Variants in CD8B observed in about 807,000 individuals in gnomAD.
The protein encoded by CD8B is CD8 subunit beta, also known as T-cell surface glycoprotein CD8 beta chain.
Under a neutral mutation model 24.2 loss-of-function variants are expected in CD8B, and 6 were observed. That is an observed-to-expected ratio of 0.25 (90% confidence interval 0.14 to 0.49). The LOEUF (loss-of-function observed/expected upper bound fraction) is 0.49. CD8B is among the 20% of genes least tolerant of loss of function. CD8B has a pLI of 0.98. For missense variants in CD8B, 196 were observed against 271.3 expected (o/e 0.72, Z 1.95); for synonymous variants, 84 against 108.3 (o/e 0.78, Z 1.39).
intron 5 of CD8B, among the ~76,000 whole-genome samples, chr2:86,829,095 C>CTTTTT (rs746569858): frequency 8.4e-4 from 70 of 82,978 alleles, no homozygotes; most frequent in Non-Finnish European, 9.4e-4. Context: ...ATGCTCTTTA[C>CTTTTT]TTTTTTTTTT....
chr2:86,861,544 C>G (rs1676591448), intron 1 of CD8B, among the ~76,000 whole-genome samples: 1 of 152,216 alleles, frequency 6.6e-6, no homozygotes, highest in Non-Finnish European at 1.5e-5. Context: ...TTCCCTCACT[C>G]GCTCCCCTTT....
chr2:86,861,179 G>T (rs542372270), intron 1 of CD8B, among the ~76,000 whole-genome samples: 2 of 152,076 alleles, frequency 1.3e-5, no homozygotes, highest in African/African-American at 4.8e-5. Flanking sequence ...GTGTGTGGAG[G>T]CTTCTTCCAA....
chr2:86,835,817 G>C (rs1473924344), downstream of CD8B, among the ~76,000 whole-genome samples: 1 of 147,872 alleles, frequency 6.8e-6, no homozygotes, highest in Non-Finnish European at 1.5e-5. Context: ...GCTTGTGTTG[G>C]TATCACCCGG....
intron 2 of CD8B, among the ~76,000 whole-genome samples, chr2:86,853,717 A>ATTTT (rs1425132053): frequency 6.6e-6 from 1 of 151,788 alleles, no homozygotes; most frequent in African/African-American, 2.4e-5. Context: ...TTATTTATTT[A>ATTTT]TTTTTTGAGA....
intron 5 of CD8B, among the ~76,000 whole-genome samples, chr2:86,828,699 GA>G (rs1437419014): frequency 6.6e-6 from 1 of 152,064 alleles, no homozygotes; most frequent in South Asian, 2.1e-4. Context: ...CCTTTTTAAG[GA>G]AAAATCTAAG....
intron 5 of CD8B, among the ~76,000 whole-genome samples, chr2:86,816,157 C>T (rs1464565973): frequency 3.9e-5 from 6 of 152,224 alleles, no homozygotes; most frequent in South Asian, 2.1e-4. Flanking sequence ...CAAGGATGTA[C>T]GGGTCAACAG....
chr2:86,859,641 C>A (rs559567076), intron 1 of CD8B, among the ~76,000 whole-genome samples: 3 of 151,960 alleles, frequency 2.0e-5, no homozygotes, highest in African/African-American at 7.3e-5. Context: ...AGGTTCCATA[C>A]ACACCAAGGC....
At chr2:86,817,178 A>G (rs759330321) in intron 5 of CD8B, among the ~76,000 whole-genome samples, 1 of 152,242 alleles carries the variant, frequency 6.6e-6, no homozygotes, top group Non-Finnish European at 1.5e-5. Flanking sequence ...GATATGACCA[A>G]ATAACTGTGA....
chr2:86,825,496 G>A (rs1315722998), intron 5 of CD8B, among the ~76,000 whole-genome samples: 1 of 152,186 alleles, frequency 6.6e-6, no homozygotes, highest in Non-Finnish European at 1.5e-5. Context: ...GGCACACAAA[G>A]ACAGAGGCTT....
chr2:86,816,974 T>G (rs1674275932), intron 5 of CD8B, among the ~76,000 whole-genome samples: 2 of 152,190 alleles, frequency 1.3e-5, no homozygotes. Flanking sequence ...ATCCATAACA[T>G]ATCAGACTCT....
At chr2:86,822,017 CTG>C (rs1223268191) in intron 5 of CD8B, among the ~76,000 whole-genome samples, 1 of 152,196 alleles carries the variant, frequency 6.6e-6, no homozygotes, top group Non-Finnish European at 1.5e-5. Flanking sequence ...CCGAGCAACT[CTG>C]TGCTTGGATT....
chr2:86,852,635 C>A (rs962823898), intron 3 of CD8B, among the ~76,000 whole-genome samples: 2 of 151,818 alleles, frequency 1.3e-5, no homozygotes, highest in African/African-American at 4.8e-5. Flanking sequence ...TTTATTATGG[C>A]CAAACAATAT....
chr2:86,839,760 C>A lies in CD8B; in HGVS notation c.*2547G>T, dbSNP rs181033825. Among the ~76,000 whole-genome samples the A allele has an allele frequency of 6.6e-6, 1 of 152,362 alleles. No individual in the cohort carries two copies. Among genetic ancestry groups the A allele is most frequent in the Non-Finnish European group, 1.5e-5 (1 of 68,040 alleles). On this transcript the variant is annotated 3_prime_UTR_variant, in exon 6 of 6. Transcript: ENST00000390655. Reference sequence around the variant, plus strand: ...GGAGACGGTCAAATTTCAAAGCCTGCAGTGGGACAAGAGGCCTTGTGGCCT... The same window carrying A: ...GGAGACGGTCAAATTTCAAAGCCTGAAGTGGGACAAGAGGCCTTGTGGCCT...
chr2:86,827,296 C>T (rs1018190020), intron 5 of CD8B, among the ~76,000 whole-genome samples: 1 of 151,686 alleles, frequency 6.6e-6, no homozygotes, highest in East Asian at 1.9e-4. Context: ...TTGGCTTGCC[C>T]TGAGAGTTCG....
intron 2 of CD8B, among the ~76,000 whole-genome samples, chr2:86,855,959 C>A (rs1462593393): frequency 1.3e-5 from 2 of 152,230 alleles, no homozygotes; most frequent in Non-Finnish European, 2.9e-5. Context: ...TTTAATCTCT[C>A]CCTCTCTGTT....
chr2:86,840,621 T>C lies in CD8B; in HGVS notation c.*1686A>G, dbSNP rs1675378331. On this transcript the variant is annotated 3_prime_UTR_variant, in exon 6 of 6. Coordinates refer to ENST00000390655, the MANE Select transcript of CD8B (RefSeq NM_004931.5). ...AAACTTTGCAATTGGGCCCATGGGC[T>C]ATCTGCTTAGGGTCCACTCCTACCA... Among the ~76,000 whole-genome samples the C allele has an allele frequency of 6.6e-6, 1 of 151,438 alleles. No homozygotes were observed. The highest frequency in any genetic ancestry group is 2.5e-5 in the African/African-American group (1 of 40,704).
chr2:86,851,972 T>C (rs1325850891), intron 3 of CD8B, among the ~76,000 whole-genome samples: 1 of 152,162 alleles, frequency 6.6e-6, no homozygotes, highest in African/African-American at 2.4e-5. Flanking sequence ...GTATTAAAAC[T>C]GGAAACTTTT....
At chr2:86,844,296 C>T (rs1395294613) in intron 5 of CD8B, among the ~76,000 whole-genome samples, 6 of 151,132 alleles carry the variant, frequency 4.0e-5, no homozygotes, top group Admixed American at 1.3e-4. Context: ...CAGATGGGGT[C>T]GAGGGCAGCA....
chr2:86,853,576 T>C (rs1396093080), intron 2 of CD8B, among the ~76,000 whole-genome samples: 1 of 152,116 alleles, frequency 6.6e-6, no homozygotes, highest in Non-Finnish European at 1.5e-5. Context: ...TTCTGAATTC[T>C]CAGATGTTGG....
Sources: gnomAD v4.1 joint callset for allele counts (sites outside exome capture counted in the v4.1 genomes callset) on GRCh38, gnomAD v4.1.1 for gene constraint, MANE v1.5 for transcripts, NCBI Gene and HGNC (gene_info 2026-07-23, HGNC 2026-07-21) for gene names.